The following EIF4A3 variants were observed in gnomAD, a reference collection of about 807,000 sequenced individuals.
EIF4A3 encodes the protein eukaryotic translation initiation factor 4A3, also known as eukaryotic initiation factor 4A-III.
Under a neutral mutation model 55.6 loss-of-function variants are expected in EIF4A3, and 1 was observed. The observed-to-expected ratio is 0.02, with a 90% confidence interval of 0.01 to 0.09. The LOEUF (loss-of-function observed/expected upper bound fraction) is 0.09. Ranked by LOEUF, EIF4A3 falls within the 10% of genes least tolerant of loss-of-function variation. The pLI, the probability that EIF4A3 is intolerant of heterozygous loss-of-function variation, is 1.00. For synonymous variants in EIF4A3, 194 were observed against 196.3 expected (o/e 0.99, Z 0.10); for missense variants, 221 against 540.7 (o/e 0.41, Z 5.86).
At chr17:80,141,941 CCTT>C in intron 2 of EIF4A3, 93 bp from the exon 3 acceptor site, 1 of 1,011,448 alleles carries the variant, frequency 9.9e-7, no homozygotes, top group Non-Finnish European at 1.5e-6. Context: ...CACTTAGGTA[CCTT>C]CTTCCAGCAA....
chr17:80,141,385 G>A lies in EIF4A3; in HGVS notation c.310-4C>T, dbSNP rs2039617427. ...TCAAAGCTTGAGTTTCACGAACCTGGTGAAATAATTTATCAGAAAATAGAG... is the reference window on the plus strand; with the variant it reads ...TCAAAGCTTGAGTTTCACGAACCTGATGAAATAATTTATCAGAAAATAGAG... On this transcript the variant is annotated splice_polypyrimidine_tract_variant and splice_region_variant and intron_variant, in intron 3 of 11. Transcript: ENST00000649764. The A allele has an allele frequency of 1.9e-6, 3 of 1,613,510 alleles. No homozygotes were observed. In the South Asian group the frequency reaches 3.3e-5, roughly 18 times the overall value.
chr17:80,137,308 A>G, intron 9 of EIF4A3, 78 bp downstream of exon 9: 1 of 1,292,498 alleles, frequency 7.7e-7, no homozygotes, highest in Non-Finnish European at 1.1e-6. Flanking sequence ...TGGGGCCTGC[A>G]CTTAGGCGGT....
intron 1 of EIF4A3, among the ~76,000 whole-genome samples, chr17:80,145,450 G>C (rs1289985180): frequency 6.6e-6 from 1 of 152,064 alleles, no homozygotes; most frequent in Non-Finnish European, 1.5e-5. Flanking sequence ...TATAATCCCA[G>C]CTACTCGGGA....
chr17:80,140,312 GC>G, intron 4 of EIF4A3, 172 bp from the exon 5 acceptor site: 1 of 747,702 alleles, frequency 1.3e-6, no homozygotes, highest in Non-Finnish European at 1.8e-6. Context: ...AGTTAATTTT[GC>G]TTTTTTTTTT....
intron 5 of EIF4A3, 118 bp from the exon 6 acceptor site, chr17:80,139,868 A>C (rs2039603392): frequency 6.7e-7 from 1 of 1,494,710 alleles, no homozygotes; most frequent in Non-Finnish European, 9.1e-7. Context: ...GGTTCCAGAG[A>C]CCTTCCCTCT....
rs371993394 is a variant in EIF4A3 at position 80,147,005 on chromosome 17, C to G, written c.-44G>C. ...GAGCACAGCGCGCGCCGCTGCCGAC[C>G]TCGCTGCCGCTGCCGACCTCGCTGT... On this transcript the variant is annotated 5_prime_UTR_variant, in exon 1 of 12. Coordinates refer to ENST00000649764, the MANE Select transcript of EIF4A3 (RefSeq NM_014740.4). The G allele has an allele frequency of 2.5e-4, 352 of 1,433,500 alleles. No individual in the cohort carries two copies. The African/African-American group carries it at 5.2e-3, about 21-fold the overall frequency. The allele number at this position is 1,433,500 out of a possible 1,614,324, so 88.8% of individuals were successfully genotyped here.
chr17:80,145,176 C>T (rs761989496), intron 1 of EIF4A3, among the ~76,000 whole-genome samples: 2 of 152,208 alleles, frequency 1.3e-5, no homozygotes, highest in Non-Finnish European at 2.9e-5. Flanking sequence ...CCAGGTGGGG[C>T]TGTCAGCCTC....
At chr17:80,137,340 A>C in intron 9 of EIF4A3, 46 bp downstream of exon 9, 1 of 1,551,100 alleles carries the variant, frequency 6.4e-7, no homozygotes, top group South Asian at 1.1e-5. Flanking sequence ...GCTTAGACAC[A>C]GTCTAGCAAA....
intron 2 of EIF4A3, among the ~76,000 whole-genome samples, chr17:80,143,052 A>AT (rs1329308811): frequency 6.6e-6 from 1 of 151,786 alleles, no homozygotes; most frequent in Admixed American, 6.6e-5. Context: ...TAAATTTCAA[A>AT]TTTTTTTTTA....
In EIF4A3 at chr17:80,139,738, C is replaced by T. The variant is rs755596816; in HGVS notation, c.518G>A (p.Arg173His). ...GATAGCACGTGTCCTTAGGCTTCTG[C>T]GACGAATCATATCTATAACATGAGA... ...TPGRVFDMIR[R>H]RSLRTRAIKM... The change falls in exon 6 of 12, where the codon CGC becomes CAC. Residue 173 changes from arginine (R) to histidine (H), a missense_variant. This residue lies in a region of EIF4A3 where 85 missense variants were observed against 205.8 expected (regional missense o/e 0.41). Coordinates refer to ENST00000649764, the MANE Select transcript of EIF4A3 (RefSeq NM_014740.4). 7 of 1,612,950 alleles carry T rather than the reference C, an allele frequency of 4.3e-6. No homozygotes were observed. Among genetic ancestry groups the T allele is most frequent in the Admixed American group, 1.7e-5 (1 of 59,750 alleles).
chr17:80,139,368 G>T, intron 6 of EIF4A3: 1 of 702,158 alleles, frequency 1.4e-6, no homozygotes, highest in Non-Finnish European at 2.3e-6. Flanking sequence ...CTGGTTGAGG[G>T]AATCTGGTTT....
At chr17:80,137,197 T>A (rs2039577957) in intron 9 of EIF4A3, 189 bp downstream of exon 9, 1 of 470,022 alleles carries the variant, frequency 2.1e-6, no homozygotes, top group African/African-American at 2.0e-5. Context: ...CACCTCAACC[T>A]AAGTATTACA....
chr17:80,135,143 CTG>C lies in EIF4A3; in HGVS notation c.*345_*346del, dbSNP rs1334549664. The C allele has an allele frequency of 1.6e-5, 3 of 187,472 alleles. No homozygotes were observed. Among genetic ancestry groups the C allele is most frequent in the African/African-American group, 7.4e-5 (3 of 40,802 alleles). The allele number at this position is 187,472 out of a possible 1,614,324, so 11.6% of individuals were successfully genotyped here. On this transcript the variant is annotated 3_prime_UTR_variant, in exon 12 of 12. Transcript: ENST00000649764. ...CTCCTGCCTGGGCAACAGAGGGAGA[CTG>C]TCTCAAAAAAAAAAAAGAAAAAGAA...
intron 3 of EIF4A3, 46 bp from the exon 4 acceptor site, chr17:80,141,427 A>G (rs1344420663): frequency 7.6e-6 from 12 of 1,579,194 alleles, no homozygotes; most frequent in Non-Finnish European, 1.0e-5. Context: ...CAGTATTATC[A>G]AAGTGGATTG....
chr17:80,139,221 G>A, intron 6 of EIF4A3, 59 bp from the exon 7 acceptor site: 1 of 1,601,742 alleles, frequency 6.2e-7, no homozygotes, highest in Non-Finnish European at 8.5e-7. Context: ...AGAAATGGAA[G>A]GTGCACGCCC....
rs1402328340 is a variant in EIF4A3 at position 80,147,065 on chromosome 17, CTG to C, written c.-106_-105del. On this transcript the variant is annotated 5_prime_UTR_variant, in exon 1 of 12. Coordinates refer to ENST00000649764, the MANE Select transcript of EIF4A3 (RefSeq NM_014740.4). ...GACCTCGCTGCCGCTGCCGACCTCG[CTG>C]TGCCGCTGCCGACCTCGCTGTGCCG... is the stretch of plus-strand genomic sequence containing the variant. The C allele has an allele frequency of 4.4e-4, 583 of 1,319,410 alleles. 2 individuals carry two copies. The highest frequency in any genetic ancestry group is 4.1e-4 in the Non-Finnish European group (420 of 1,033,604). The allele number at this position is 1,319,410 out of a possible 1,614,324, so 81.7% of individuals were successfully genotyped here.
In EIF4A3 at chr17:80,147,069, GCCGC is replaced by G; in HGVS notation, c.-112_-109del. ...TCGCTGCCGCTGCCGACCTCGCTGT[GCCGC>G]TGCCGACCTCGCTGTGCCGCTGCCG... is the stretch of plus-strand genomic sequence containing the variant. On this transcript the variant is annotated 5_prime_UTR_variant, in exon 1 of 12. Coordinates refer to ENST00000649764, the MANE Select transcript of EIF4A3 (RefSeq NM_014740.4). 7.2e-7 allele frequency: 1 copy of G among 1,385,976 alleles called. No individual in the cohort carries two copies. The allele number at this position is 1,385,976 out of a possible 1,614,324, so 85.9% of individuals were successfully genotyped here. A position where few individuals can be genotyped will look rare whatever the true frequency, so the allele number is the denominator to read the frequency against.
chr17:80,139,266 A>G (rs1490212176), intron 6 of EIF4A3, 104 bp from the exon 7 acceptor site: 1 of 1,470,506 alleles, frequency 6.8e-7, no homozygotes, highest in Non-Finnish European at 9.2e-7. Context: ...GAGTGGTGAT[A>G]AGGTACGTTT....
intron 2 of EIF4A3, among the ~76,000 whole-genome samples, chr17:80,142,445 T>C (rs1485634883): frequency 6.6e-6 from 1 of 152,180 alleles, no homozygotes; most frequent in African/African-American, 2.4e-5. Flanking sequence ...TTTCAGATTG[T>C]GAGTCATAAA....
Sources: allele counts gnomAD v4.1 joint callset (sites outside exome capture counted in the v4.1 genomes callset), GRCh38; gene constraint gnomAD v4.1.1; regional missense constraint gnomAD v4.1.1; transcripts MANE v1.5; gene names NCBI Gene and HGNC (gene_info 2026-07-23, HGNC 2026-07-21).